The following FNDC3A variants were observed in gnomAD, a reference collection of about 807,000 sequenced individuals.
FNDC3A encodes the protein fibronectin type-III domain-containing protein 3A.
In FNDC3A, 32 loss-of-function variants were observed where a neutral mutation model predicts 148.9. That is an observed-to-expected ratio of 0.21 (90% CI 0.16 to 0.29). The LOEUF (loss-of-function observed/expected upper bound fraction) is 0.29. Among genes scored for constraint, FNDC3A ranks in the 10% least tolerant of loss-of-function variants. FNDC3A has a pLI of 1.00. For missense variants in FNDC3A, 1,191 were observed against 1,452.8 expected (o/e 0.82, Z 2.93); for synonymous variants, 472 against 473.6 (o/e 1.00, Z 0.04).
At chr13:49,026,258 G>A (rs17465832) in intron 2 of FNDC3A, among the ~76,000 whole-genome samples, 3,234 of 152,252 alleles carry the variant, frequency 0.021, 45 homozygotes, top group Middle Eastern at 0.051. Flanking sequence ...ATAAGCATGC[G>A]TATGAAGAAT....
At chr13:49,172,320 C>G in intron 11 of FNDC3A, among the ~76,000 whole-genome samples, 1 of 152,172 alleles carries the variant, frequency 6.6e-6, no homozygotes, top group East Asian at 1.9e-4. Context: ...TAGGTAACTA[C>G]CTTGATAAAG....
At chr13:49,161,191 T>A (rs952072789) in intron 8 of FNDC3A, among the ~76,000 whole-genome samples, 3 of 152,108 alleles carry the variant, frequency 2.0e-5, no homozygotes, top group African/African-American at 7.2e-5. Flanking sequence ...CTTTCTGTCT[T>A]GTTGATCTGT....
chr13:49,030,548 G>T (rs1227738951), intron 2 of FNDC3A, among the ~76,000 whole-genome samples: 1 of 152,144 alleles, frequency 6.6e-6, no homozygotes, highest in Non-Finnish European at 1.5e-5. Context: ...GGAATTAAAG[G>T]CCTCCAGGTT....
rs561126776 is a variant in FNDC3A at position 49,039,913 on chromosome 13, C to A, written c.99+33624C>A. On this transcript the variant is annotated intron_variant, in intron 2 of 25. Coordinates refer to ENST00000492622, the MANE Select transcript of FNDC3A (RefSeq NM_001079673.2). The stretch of plus-strand genomic sequence containing the variant: ...AATTTTGGTAAAGACTAGGTTTCAT[C>A]ATGTTGGCCAGGCTGGTCTTGAACT... Among the ~76,000 whole-genome samples, 10 of 152,274 alleles carry A rather than the reference C, an allele frequency of 6.6e-5. No homozygotes were observed. The East Asian group carries it at 1.9e-3, about 29-fold the overall frequency.
chr13:49,070,554 A>T (rs554973110), intron 2 of FNDC3A, among the ~76,000 whole-genome samples: 18 of 152,308 alleles, frequency 1.2e-4, no homozygotes, highest in South Asian at 1.0e-3. Context: ...CATCTCAAAC[A>T]TTTATCTTTG....
intron 8 of FNDC3A, among the ~76,000 whole-genome samples, chr13:49,157,596 T>C (rs369534870): frequency 1.3e-5 from 2 of 150,556 alleles, no homozygotes; most frequent in African/African-American, 4.9e-5. Flanking sequence ...GGAGAGGTGC[T>C]CTGCGTTTTA....
At chr13:49,073,673 A>G (rs897610771) in intron 2 of FNDC3A, among the ~76,000 whole-genome samples, 1 of 147,548 alleles carries the variant, frequency 6.8e-6, no homozygotes, top group African/African-American at 2.5e-5. Context: ...ATATATATAT[A>G]CACACATATA....
intron 2 of FNDC3A, among the ~76,000 whole-genome samples, chr13:49,052,681 G>C (rs1210086085): frequency 6.6e-6 from 1 of 152,186 alleles, no homozygotes; most frequent in Non-Finnish European, 1.5e-5. Flanking sequence ...ACTTTCAAGA[G>C]TGCATCAGCT....
chr13:49,058,468 C>T (rs1445886632), intron 2 of FNDC3A, among the ~76,000 whole-genome samples: 1 of 152,110 alleles, frequency 6.6e-6, no homozygotes, highest in Non-Finnish European at 1.5e-5. Flanking sequence ...GGGCATAAGA[C>T]AGTATGAGGG....
intron 10 of FNDC3A, among the ~76,000 whole-genome samples, chr13:49,169,697 C>A (rs1884657728): frequency 6.6e-6 from 1 of 152,182 alleles, no homozygotes; most frequent in South Asian, 2.1e-4. Flanking sequence ...GCTTTGAGAG[C>A]AAGCTCAGGG....
chr13:49,129,409 G>A (rs894894955), intron 4 of FNDC3A, among the ~76,000 whole-genome samples: 1 of 152,210 alleles, frequency 6.6e-6, no homozygotes, highest in African/African-American at 2.4e-5. Flanking sequence ...TGAAGTACAA[G>A]CCTCTTGGAA....
intron 2 of FNDC3A, among the ~76,000 whole-genome samples, chr13:49,020,963 C>G (rs561009436): frequency 1.3e-5 from 2 of 152,222 alleles, no homozygotes; most frequent in East Asian, 1.9e-4. Flanking sequence ...GGAAAAAGAT[C>G]TGATTCGAAC....
intron 7 of FNDC3A, 74 bp downstream of exon 7, chr13:49,138,879 G>A: frequency 2.4e-6 from 2 of 838,772 alleles, no homozygotes; most frequent in Non-Finnish European, 3.7e-6. Context: ...TCAAAATGTA[G>A]TTTTTTTCTT....
At chr13:49,089,127 A>G (rs1174325601) in intron 3 of FNDC3A, among the ~76,000 whole-genome samples, 1 of 152,234 alleles carries the variant, frequency 6.6e-6, no homozygotes, top group East Asian at 1.9e-4. Flanking sequence ...TGATAGTTGC[A>G]CAACAATGTA....
rs768845610 is a variant in FNDC3A, at chr13:49,138,752, G to C, written c.766G>C (p.Asp256His). 11 of 1,453,456 alleles carry C rather than the reference G, an allele frequency of 7.6e-6. No individual in the cohort carries two copies. The Admixed American group carries it at 2.1e-4, about 28-fold the overall frequency. The allele number at this position is 1,453,456 out of a possible 1,614,324, so 90.0% of individuals were successfully genotyped here. Residue 256 changes from aspartate to histidine, a missense_variant, in exon 7 of 26, where the codon GAT (aspartate) becomes CAT (histidine). Asp to His is a moderately conservative substitution (Grantham distance 81). Transcript: ENST00000492622. ...TQVDTEIEEK[D>H]EETKAFEALL... ...AAATGTTTTATTTTTTTAAGAAAAA[G>C]ATGAAGAAACTAAAGCATTTGAAGC...
At position 49,136,477 on chromosome 13, in the gene FNDC3A, T is replaced by C. The variant is rs763632964; in HGVS notation, c.636T>C (p.Pro212=). Residue 212 remains proline (P), a synonymous_variant, in exon 6 of 26, where the codon CCT becomes CCC. Transcript: ENST00000492622. Reference sequence around the variant, plus strand: ...CACCATCATCACCCCAGAAATGCCCTTCTCCCATTAATGAACATAATGGAC... The same window carrying C: ...CACCATCATCACCCCAGAAATGCCCCTCTCCCATTAATGAACATAATGGAC... The part of the protein sequence containing the change: ...SSPPSSPQKC[P]SPINEHNGLI... 2 of 1,614,016 alleles carry C rather than the reference T, an allele frequency of 1.2e-6. No individual in the cohort carries two copies. The highest frequency in any genetic ancestry group is 2.7e-5 in the African/African-American group (2 of 74,908).
intron 2 of FNDC3A, among the ~76,000 whole-genome samples, chr13:49,011,841 G>T (rs1952351970): frequency 6.6e-6 from 1 of 152,092 alleles, no homozygotes; most frequent in Non-Finnish European, 1.5e-5. Context: ...TCCCTATACT[G>T]AGGCAATGAA....
chr13:49,086,673 A>G (rs892695590), intron 3 of FNDC3A, among the ~76,000 whole-genome samples: 2 of 152,186 alleles, frequency 1.3e-5, no homozygotes, highest in African/African-American at 2.4e-5. Flanking sequence ...AAACTAAACC[A>G]TGGAGAAGTT....
intron 14 of FNDC3A, 124 bp from the exon 15 acceptor site, chr13:49,185,840 C>A: frequency 2.8e-6 from 2 of 710,910 alleles, no homozygotes; most frequent in Non-Finnish European, 4.7e-6. Context: ...ACAAGCCATT[C>A]CAAGCTAAAA....
Sources: gnomAD v4.1 joint callset for allele counts (sites outside exome capture counted in the v4.1 genomes callset) on GRCh38, gnomAD v4.1.1 for gene constraint, MANE v1.5 for transcripts, NCBI Gene and HGNC (gene_info 2026-07-23, HGNC 2026-07-21) for gene names.